Variants in CHST9 observed in about 807,000 individuals in gnomAD.
The protein encoded by CHST9 is GalNAc-4-sulfotransferase 2.
Under a neutral mutation model 44.4 loss-of-function variants are expected in CHST9, and 41 were observed. The ratio of observed to expected loss-of-function variants is 0.92; its 90% confidence interval spans 0.72 to 1.20. The LOEUF is 1.20. Ranked by LOEUF, CHST9 falls within the 50% of genes most tolerant of loss-of-function variation. CHST9 has a pLI of 0.00. For synonymous variants in CHST9, 171 were observed against 178.4 expected (o/e 0.96, Z 0.33); for missense variants, 504 against 516.5 (o/e 0.98, Z 0.23).
chr18:27,036,057 CTA>C (rs1010383063), intron 3 of CHST9, among the ~76,000 whole-genome samples: 1 of 151,728 alleles, frequency 6.6e-6, no homozygotes, highest in Non-Finnish European at 1.5e-5. Flanking sequence ...ATATAAAATG[CTA>C]TATATATATC....
At chr18:27,030,185 G>A (rs558368838) in intron 3 of CHST9, among the ~76,000 whole-genome samples, 1 of 152,260 alleles carries the variant, frequency 6.6e-6, no homozygotes, top group South Asian at 2.1e-4. Flanking sequence ...GCTCTCAAAT[G>A]GCTATCCCTT....
chr18:27,143,593 T>C (rs901543678), intron 1 of CHST9, among the ~76,000 whole-genome samples: 2 of 135,154 alleles, frequency 1.5e-5, no homozygotes, highest in Admixed American at 7.4e-5. Context: ...CTTAACCTTT[T>C]ATTTTTTTTA....
chr18:27,009,529 T>C (rs555834755), intron 4 of CHST9, among the ~76,000 whole-genome samples: 1 of 152,340 alleles, frequency 6.6e-6, no homozygotes, highest in East Asian at 1.9e-4. Flanking sequence ...CTTAGTATAA[T>C]TTCCCTTCTT....
At chr18:27,053,282 G>GAAGGAC (rs2057607948) in intron 2 of CHST9, among the ~76,000 whole-genome samples, 6 of 134,312 alleles carry the variant, frequency 4.5e-5, no homozygotes, top group African/African-American at 1.7e-4. Flanking sequence ...AGGAGAAGGA[G>GAAGGAC]AAGGAGAAGG....
chr18:27,169,015 G>A (rs2058813168), intron 1 of CHST9, among the ~76,000 whole-genome samples: 1 of 152,090 alleles, frequency 6.6e-6, no homozygotes, highest in East Asian at 1.9e-4. Flanking sequence ...AGGAGTTGAA[G>A]TCATCAGTCC....
intron 4 of CHST9, among the ~76,000 whole-genome samples, chr18:26,974,751 G>A (rs577669130): frequency 6.7e-6 from 1 of 149,154 alleles, no homozygotes; most frequent in South Asian, 2.1e-4. Flanking sequence ...TCGGCTCACC[G>A]CAACCTCTGC....
intron 2 of CHST9, among the ~76,000 whole-genome samples, chr18:27,058,991 T>G (rs2143605319): frequency 6.6e-6 from 1 of 152,216 alleles, no homozygotes; most frequent in East Asian, 1.9e-4. Context: ...CTCACCTAGA[T>G]TCCTTCTTTC....
chr18:26,966,732 G>A (rs1222015138), intron 4 of CHST9, among the ~76,000 whole-genome samples: 3 of 152,160 alleles, frequency 2.0e-5, no homozygotes, highest in Non-Finnish European at 2.9e-5. Flanking sequence ...CAGTGGTGGA[G>A]AAGATCCCAA....
At chr18:26,971,747 C>T (rs1484713640) in intron 4 of CHST9, among the ~76,000 whole-genome samples, 3 of 152,118 alleles carry the variant, frequency 2.0e-5, no homozygotes, top group African/African-American at 7.2e-5. Flanking sequence ...CACACAGCCA[C>T]GCCCAGCTCG....
intron 2 of CHST9, among the ~76,000 whole-genome samples, chr18:27,067,231 T>C (rs908555855): frequency 6.7e-6 from 1 of 148,878 alleles, no homozygotes; most frequent in African/African-American, 2.5e-5. Flanking sequence ...CATAACCGAC[T>C]TTTTTTTTTG....
At chr18:26,935,201 A>G (rs937431669) in intron 5 of CHST9, 7 of 152,214 alleles carry the variant, frequency 4.6e-5, no homozygotes, top group African/African-American at 7.2e-5. Flanking sequence ...GAAGATAACC[A>G]GATGAGGCTT....
chr18:27,022,669 G>T (rs914513675), intron 4 of CHST9, among the ~76,000 whole-genome samples: 1 of 152,136 alleles, frequency 6.6e-6, no homozygotes, highest in East Asian at 1.9e-4. Context: ...TGCCTGAAAT[G>T]CTGCCCTTCC....
intron 3 of CHST9, among the ~76,000 whole-genome samples, chr18:27,037,799 G>C (rs1427452076): frequency 1.3e-5 from 2 of 151,552 alleles, no homozygotes; most frequent in Non-Finnish European, 2.9e-5. Flanking sequence ...TTAAAAGCAA[G>C]AGATGATTAA....
intron 1 of CHST9, among the ~76,000 whole-genome samples, chr18:27,146,058 G>C (rs1489296600): frequency 1.3e-5 from 2 of 152,140 alleles, no homozygotes; most frequent in African/African-American, 4.8e-5. Flanking sequence ...AAGAGAAAAG[G>C]CTAGAAGAAA....
At chr18:27,105,887 G>T (rs1402665711) in intron 2 of CHST9, among the ~76,000 whole-genome samples, 1 of 152,104 alleles carries the variant, frequency 6.6e-6, no homozygotes, top group Non-Finnish European at 1.5e-5. Flanking sequence ...AGGTAATAAG[G>T]ATGAAGTATC....
chr18:27,003,853 C>A (rs1166619268), intron 4 of CHST9, among the ~76,000 whole-genome samples: 1 of 151,830 alleles, frequency 6.6e-6, no homozygotes, highest in African/African-American at 2.4e-5. Flanking sequence ...TGATTGTTTC[C>A]TATAAAAGAC....
intron 1 of CHST9, among the ~76,000 whole-genome samples, chr18:27,151,887 A>G (rs2058662354): frequency 6.6e-6 from 1 of 152,214 alleles, no homozygotes; most frequent in African/African-American, 2.4e-5. Context: ...GTTTTAAGCC[A>G]CCAAATTTGT....
At chr18:27,175,556 T>TA (rs1313168579) in intron 1 of CHST9, among the ~76,000 whole-genome samples, 1 of 152,058 alleles carries the variant, frequency 6.6e-6, no homozygotes, top group Admixed American at 6.6e-5. Flanking sequence ...AGGAGTATGA[T>TA]ATTTGGAGAG....
chr18:27,123,750 G>C (rs995613845), intron 2 of CHST9, among the ~76,000 whole-genome samples: 1 of 152,164 alleles, frequency 6.6e-6, no homozygotes, highest in African/African-American at 2.4e-5. Context: ...GGTCTGCTAG[G>C]ATCTGAGGAG....
Sources: gnomAD v4.1 joint callset for allele counts (sites outside exome capture counted in the v4.1 genomes callset) on GRCh38, gnomAD v4.1.1 for gene constraint, MANE v1.5 for transcripts, NCBI Gene and HGNC (gene_info 2026-07-23, HGNC 2026-07-21) for gene names.